The following SMURF1 variants were observed in gnomAD, a reference collection of about 807,000 sequenced individuals.
SMURF1 encodes the protein SMAD specific E3 ubiquitin protein ligase 1.
A neutral mutation model predicts 98.0 loss-of-function variants in SMURF1; 44 were observed. That is an observed-to-expected ratio of 0.45 (90% CI 0.35 to 0.58). The LOEUF is 0.58. Among genes scored for constraint, SMURF1 ranks in the 20% least tolerant of loss-of-function variants. The pLI is 0.00. For synonymous variants in SMURF1, 396 were observed against 374.9 expected, an observed-to-expected ratio of 1.06 and a Z score of -0.65; for missense variants, 687 against 938.4, an observed-to-expected ratio of 0.73 and a Z score of 3.50.
At chr7:99,051,066 G>T in intron 8 of SMURF1, 1 of 1,377,838 alleles carries the variant, frequency 7.3e-7, no homozygotes, top group Non-Finnish European at 1.0e-6. Flanking sequence ...ACTTATGATG[G>T]AAAATTTTAA....
chr7:99,073,107 G>A (rs1299354101), intron 1 of SMURF1, among the ~76,000 whole-genome samples: 1 of 152,180 alleles, frequency 6.6e-6, no homozygotes, highest in Non-Finnish European at 1.5e-5. Context: ...AAACATTTTG[G>A]TGGCTCATGC....
At chr7:99,104,254 A>T (rs1049905094) in intron 1 of SMURF1, among the ~76,000 whole-genome samples, 2 of 152,234 alleles carry the variant, frequency 1.3e-5, no homozygotes, top group Admixed American at 6.5e-5. Context: ...TAACTTAAGA[A>T]TCATTTTGGT....
chr7:99,128,307 G>A (rs1797789646), intron 1 of SMURF1, among the ~76,000 whole-genome samples: 1 of 152,304 alleles, frequency 6.6e-6, no homozygotes, highest in East Asian at 1.9e-4. Flanking sequence ...TTTGGCTGAT[G>A]AGGTTAAGCC....
intron 1 of SMURF1, chr7:99,081,389 T>A (rs983036027): frequency 1.3e-5 from 2 of 152,168 alleles, no homozygotes; most frequent in African/African-American, 4.8e-5. Flanking sequence ...CACACATCTG[T>A]TAGTTTCAGC....
At chr7:99,083,185 G>C (rs1276874420) in intron 1 of SMURF1, among the ~76,000 whole-genome samples, 3 of 151,998 alleles carry the variant, frequency 2.0e-5, no homozygotes, top group African/African-American at 7.3e-5. Flanking sequence ...CCACAGAATG[G>C]TACATTTAAA....
intron 12 of SMURF1, among the ~76,000 whole-genome samples, chr7:99,040,914 G>A (rs1030654372): frequency 2.0e-5 from 3 of 152,102 alleles, no homozygotes; most frequent in African/African-American, 7.2e-5. Flanking sequence ...CACCATGCTG[G>A]ACGCGCACCC....
intron 5 of SMURF1, 42 bp downstream of exon 5, chr7:99,057,163 T>A: frequency 6.2e-7 from 1 of 1,606,830 alleles, no homozygotes; most frequent in Non-Finnish European, 8.5e-7. Flanking sequence ...TGAATGTAAG[T>A]TCTGGAAAAG....
intron 1 of SMURF1, among the ~76,000 whole-genome samples, chr7:99,142,722 G>A (rs1030960092): frequency 6.7e-6 from 1 of 148,590 alleles, no homozygotes; most frequent in Admixed American, 6.7e-5. Flanking sequence ...GGGGGCAAGT[G>A]GAAGGGGAGG....
intron 1 of SMURF1, among the ~76,000 whole-genome samples, chr7:99,132,958 T>G (rs1797904989): frequency 6.6e-6 from 1 of 152,100 alleles, no homozygotes; most frequent in Non-Finnish European, 1.5e-5. Context: ...GTTTAGTGGT[T>G]GCCAGGGTCC....
At chr7:99,098,134 A>G (rs1390241441) in intron 1 of SMURF1, among the ~76,000 whole-genome samples, 1 of 152,252 alleles carries the variant, frequency 6.6e-6, no homozygotes, top group Non-Finnish European at 1.5e-5. Flanking sequence ...TAATTCTACA[A>G]TAAAGCTAAA....
At position 99,090,390 on chromosome 7, in the gene SMURF1, G is replaced by A. The variant is rs1374304980; in HGVS notation, c.56-28553C>T. ...CCTTCCTTTCCCTACTGCTTACAGC[G>A]ATAGCAGGGTTGGAAGGTGGCATTT... On this transcript the variant is annotated intron_variant, in intron 1 of 17. Coordinates refer to ENST00000361368, the MANE Select transcript of SMURF1 (RefSeq NM_181349.3). Among the ~76,000 whole-genome samples the A allele has an allele frequency of 5.3e-5, 8 of 152,110 alleles. No homozygotes were observed. In the East Asian group the frequency reaches 7.7e-4, roughly 15 times the overall value.
chr7:99,118,405 T>C (rs1797510783), intron 1 of SMURF1, among the ~76,000 whole-genome samples: 1 of 152,208 alleles, frequency 6.6e-6, no homozygotes, highest in Non-Finnish European at 1.5e-5. Context: ...ACAATCCAAA[T>C]GTCAATCAAT....
At chr7:99,117,426 G>A (rs1029105311) in intron 1 of SMURF1, among the ~76,000 whole-genome samples, 7 of 152,008 alleles carry the variant, frequency 4.6e-5, no homozygotes, top group African/African-American at 1.7e-4. Flanking sequence ...TCAGCTCACT[G>A]CAACCTCCGC....
intron 8 of SMURF1, chr7:99,050,906 C>G (rs1349187845): frequency 6.7e-7 from 1 of 1,486,812 alleles, no homozygotes; most frequent in Non-Finnish European, 9.1e-7. Flanking sequence ...GGGGGGGGGT[C>G]TCTCTAACCT....
intron 15 of SMURF1, 43 bp downstream of exon 15, chr7:99,037,024 C>T (rs1318321393): frequency 2.5e-6 from 4 of 1,611,974 alleles, no homozygotes; most frequent in Non-Finnish European, 3.4e-6. Context: ...CAGACGCCAG[C>T]CACAGGGACG....
rs182041453 is a variant in SMURF1 at position 99,078,525 on chromosome 7, C to T, written c.56-16688G>A. Among the ~76,000 whole-genome samples the T allele has an allele frequency of 6.6e-5, 10 of 152,282 alleles. No individual in the cohort carries two copies. In the East Asian group the frequency reaches 1.4e-3, roughly 21 times the overall value. ...ACCCCCCCTCCCCTGCACCCTCCTC[C>T]CCATCCCCCAGGCTGCACAGCAGGA... On this transcript the variant is annotated intron_variant, in intron 1 of 17. Transcript: ENST00000361368.
intron 1 of SMURF1, among the ~76,000 whole-genome samples, chr7:99,068,102 A>ATGT (rs377191159): frequency 1.1e-4 from 16 of 152,210 alleles, no homozygotes; most frequent in African/African-American, 3.4e-4. Flanking sequence ...TTTCACTGCA[A>ATGT]TGTTATTCCT....
intron 8 of SMURF1, chr7:99,050,891 GGGT>G: frequency 8.0e-7 from 1 of 1,247,154 alleles, no homozygotes; most frequent in Non-Finnish European, 1.1e-6. Context: ...CTCTGTTATG[GGGT>G]GGGGGGGGGG....
At chr7:99,118,517 T>C (rs762448187) in intron 1 of SMURF1, among the ~76,000 whole-genome samples, 5 of 152,214 alleles carry the variant, frequency 3.3e-5, no homozygotes, top group African/African-American at 4.8e-5. Context: ...GAAAACGTTA[T>C]GCCAAGTGAA....
Sources: gnomAD v4.1 joint callset for allele counts (sites outside exome capture counted in the v4.1 genomes callset) on GRCh38, gnomAD v4.1.1 for gene constraint, MANE v1.5 for transcripts, NCBI Gene and HGNC (gene_info 2026-07-23, HGNC 2026-07-21) for gene names.